Variants in TASP1 observed in about 807,000 individuals in gnomAD.
TASP1 encodes the protein threonine aspartase 1.
In TASP1, 16 loss-of-function variants were observed where a neutral mutation model predicts 56.6. The observed-to-expected ratio is 0.28, with a 90% CI of 0.19 to 0.43. The LOEUF is 0.43. Ranked by LOEUF, TASP1 falls within the 20% of genes least tolerant of loss-of-function variation. TASP1 has a pLI of 1.00. For synonymous variants in TASP1, 179 were observed against 184.2 expected, an observed-to-expected ratio of 0.97 and a Z score of 0.23; for missense variants, 393 against 511.6, an observed-to-expected ratio of 0.77 and a Z score of 2.24.
chr20:13,292,389 T>A, the TASP1 span: 15 of 1,602,942 alleles, frequency 9.4e-6, no homozygotes, highest in Non-Finnish European at 1.3e-5. Context: ...GAAGACACTT[T>A]TAGGACAGCT....
chr20:13,493,933 A>G (rs903698707), intron 10 of TASP1, among the ~76,000 whole-genome samples: 1 of 152,206 alleles, frequency 6.6e-6, no homozygotes, highest in Admixed American at 6.5e-5. Flanking sequence ...AAATGAACCC[A>G]GGGAAGGAGG....
At chr20:13,405,559 A>AT (rs2041884185) in intron 13 of TASP1, among the ~76,000 whole-genome samples, 1 of 151,964 alleles carries the variant, frequency 6.6e-6, no homozygotes, top group African/African-American at 2.4e-5. Flanking sequence ...TAATTAAGTT[A>AT]TTTTTGAGAT....
At chr20:13,592,085 T>C (rs901547561) in intron 4 of TASP1, among the ~76,000 whole-genome samples, 4 of 152,096 alleles carry the variant, frequency 2.6e-5, no homozygotes, top group African/African-American at 4.8e-5. Flanking sequence ...GATTGCTTTA[T>C]ATGCAGCCAT....
intron 11 of TASP1, among the ~76,000 whole-genome samples, chr20:13,473,890 T>G (rs972343080): frequency 6.6e-6 from 1 of 152,074 alleles, no homozygotes; most frequent in Non-Finnish European, 1.5e-5. Context: ...CTGGGCAACA[T>G]AGTGAGACCC....
At chr20:13,248,425 A>G in the TASP1 span, among the ~76,000 whole-genome samples, 5 of 152,206 alleles carry the variant, frequency 3.3e-5, no homozygotes, top group Admixed American at 2.6e-4. Context: ...CTCCAGAGGA[A>G]GCTATTTTTT....
intron 11 of TASP1, among the ~76,000 whole-genome samples, chr20:13,459,386 T>G (rs2043969226): frequency 6.6e-6 from 1 of 152,108 alleles, no homozygotes; most frequent in South Asian, 2.1e-4. Context: ...CCAAAGTCCA[T>G]AGTCCATCAT....
At chr20:13,445,678 G>C (rs1198513556) in intron 11 of TASP1, among the ~76,000 whole-genome samples, 1 of 152,100 alleles carries the variant, frequency 6.6e-6, no homozygotes, top group Non-Finnish European at 1.5e-5. Context: ...TTCGCCTTCA[G>C]AATCTACTAC....
the TASP1 span, among the ~76,000 whole-genome samples, chr20:13,298,252 C>T: frequency 6.6e-6 from 1 of 152,082 alleles, no homozygotes; most frequent in Admixed American, 6.5e-5. Context: ...ATTACAGGCG[C>T]ATGCCACAAC....
At chr20:13,595,602 A>T (rs1383934571) in intron 4 of TASP1, among the ~76,000 whole-genome samples, 1 of 152,216 alleles carries the variant, frequency 6.6e-6, no homozygotes, top group Non-Finnish European at 1.5e-5. Flanking sequence ...CAGACTGTAA[A>T]CCAACAAAGA....
the TASP1 span, among the ~76,000 whole-genome samples, chr20:13,135,640 C>T: frequency 2.0e-5 from 3 of 152,128 alleles, no homozygotes; most frequent in Non-Finnish European, 2.9e-5. Flanking sequence ...AAGATCTAAA[C>T]GTTTAAATAT....
the TASP1 span, among the ~76,000 whole-genome samples, chr20:13,331,864 C>T: frequency 6.6e-6 from 1 of 152,084 alleles, no homozygotes; most frequent in Non-Finnish European, 1.5e-5. Context: ...ATGCAATATT[C>T]TGTGACCAAT....
intron 11 of TASP1, among the ~76,000 whole-genome samples, chr20:13,463,233 T>C (rs1402378750): frequency 6.6e-6 from 1 of 152,170 alleles, no homozygotes; most frequent in Non-Finnish European, 1.5e-5. Flanking sequence ...TTAATGATTT[T>C]TCAAGACGGG....
intron 12 of TASP1, among the ~76,000 whole-genome samples, chr20:13,434,594 G>A (rs1173605988): frequency 6.6e-6 from 1 of 152,146 alleles, no homozygotes; most frequent in Non-Finnish European, 1.5e-5. Flanking sequence ...CAAGACCAAT[G>A]CACGAAGGTG....
intron 10 of TASP1, among the ~76,000 whole-genome samples, chr20:13,492,220 C>T (rs932320980): frequency 2.0e-5 from 3 of 152,152 alleles, no homozygotes; most frequent in Admixed American, 6.5e-5. Flanking sequence ...ATAAATGCTG[C>T]CATTCACTCT....
intron 4 of TASP1, among the ~76,000 whole-genome samples, chr20:13,599,825 T>C (rs1601398830): frequency 6.7e-6 from 1 of 149,442 alleles, no homozygotes; most frequent in Admixed American, 6.6e-5. Flanking sequence ...AAACAAGGAA[T>C]AGAAGGGAAC....
chr20:13,198,851 TTTCTTTCCTTCCTTCCTTCC>T, the TASP1 span, among the ~76,000 whole-genome samples: 1 of 71,334 alleles, frequency 1.4e-5, no homozygotes, highest in African/African-American at 4.4e-5. Flanking sequence ...TCTTTCTTTC[TTTCTTTCCTTCCTTCCTTCC>T]TTCTTTCCTT....
rs76652194 is a variant in TASP1 at position 13,420,148 on chromosome 20, T to C, written c.1097-2627A>G. 1.2e-4 allele frequency among the ~76,000 whole-genome samples: 19 copies of C among 152,288 alleles called. No individual in the cohort carries two copies. The East Asian group carries it at 3.7e-3, about 29-fold the overall frequency. ...AGAAAAATCATAAAAATATAGCCAA[T>C]ATGACCATGAGAGCAAAGGATAAAG... On this transcript the variant is annotated intron_variant, in intron 12 of 13. Coordinates refer to ENST00000337743, the MANE Select transcript of TASP1 (RefSeq NM_017714.3).
the TASP1 span, among the ~76,000 whole-genome samples, chr20:13,320,339 G>A: frequency 1.8e-4 from 28 of 152,194 alleles, 1 homozygote. Context: ...TGTACTAGAG[G>A]AGGGATGTTA....
chr20:13,465,628 C>T (rs2044226258), intron 11 of TASP1, among the ~76,000 whole-genome samples: 1 of 151,940 alleles, frequency 6.6e-6, no homozygotes, highest in Admixed American at 6.6e-5. Flanking sequence ...TATGGTGTGT[C>T]CACACCAGGG....
Sources: allele counts gnomAD v4.1 joint callset (sites outside exome capture counted in the v4.1 genomes callset), GRCh38; gene constraint gnomAD v4.1.1; transcripts MANE v1.5; gene names NCBI Gene and HGNC (gene_info 2026-07-23, HGNC 2026-07-21).